Variants in PRPS2 observed in about 807,000 individuals in gnomAD.
PRPS2 encodes the protein ribose-phosphate pyrophosphokinase 2.
For synonymous variants in PRPS2, 111 were observed against 115.3 expected (o/e 0.96, Z 0.24); for missense variants, 104 against 271.5 (o/e 0.38, Z 4.34).
chrX:12,809,923 A>T (rs1319107668), intron 3 of PRPS2, 99 bp from the exon 4 acceptor site: 4 of 1,045,640 alleles, frequency 3.8e-6, no homozygotes, highest in Non-Finnish European at 5.0e-6. Flanking sequence ...TGAACAAAAA[A>T]TGCAAATGTT....
chrX:12,804,450 CA>C (rs976887419), intron 2 of PRPS2, among the ~76,000 whole-genome samples: 1 of 111,420 alleles, frequency 9.0e-6, no homozygotes, highest in Non-Finnish European at 1.9e-5. Context: ...CCCACCTTTG[CA>C]TTTTTTAAAT....
intron 3 of PRPS2, 112 bp from the exon 4 acceptor site, chrX:12,809,910 T>G: frequency 9.7e-7 from 1 of 1,029,170 alleles, no homozygotes; most frequent in Non-Finnish European, 1.3e-6. Flanking sequence ...TAAAAGCTTC[T>G]TTTGAACAAA....
At chrX:12,797,400 G>C (rs1367263823) in intron 1 of PRPS2, among the ~76,000 whole-genome samples, 2 of 110,395 alleles carry the variant, frequency 1.8e-5, no homozygotes, top group African/African-American at 6.6e-5. Context: ...GACAGAGATG[G>C]AACTTTCCAT....
chrX:12,820,608 G>A (rs779566601), intron 5 of PRPS2, 36 bp from the exon 6 acceptor site: 8 of 1,181,374 alleles, frequency 6.8e-6, no homozygotes, highest in Non-Finnish European at 9.1e-6. Flanking sequence ...AAGAATATTT[G>A]CATACCCTTA....
intron 1 of PRPS2, among the ~76,000 whole-genome samples, chrX:12,795,900 G>A (rs1419290206): frequency 8.9e-6 from 1 of 112,352 alleles, no homozygotes; most frequent in Admixed American, 9.4e-5. Flanking sequence ...ATAGGAGGGA[G>A]CACATAGAAC....
chrX:12,813,739 G>T (rs952417340), intron 4 of PRPS2, among the ~76,000 whole-genome samples: 1 of 111,479 alleles, frequency 9.0e-6, no homozygotes, highest in South Asian at 3.8e-4. Context: ...TGTTCTCTTG[G>T]CTGGGACGTT....
At chrX:12,796,967 C>T (rs1309975735) in intron 1 of PRPS2, among the ~76,000 whole-genome samples, 1 of 103,425 alleles carries the variant, frequency 9.7e-6, no homozygotes, top group East Asian at 3.1e-4. Context: ...TGACCATTTC[C>T]TTTGAGCATG....
chrX:12,804,199 T>A (rs2042582845), intron 2 of PRPS2, among the ~76,000 whole-genome samples: 1 of 109,543 alleles, frequency 9.1e-6, no homozygotes, highest in Admixed American at 1.0e-4. Context: ...TGGAGTACAG[T>A]GGCACAATCT....
At chrX:12,820,352 G>A (rs942777044) in intron 5 of PRPS2, among the ~76,000 whole-genome samples, 5 of 111,098 alleles carry the variant, frequency 4.5e-5, no homozygotes, top group Non-Finnish European at 9.4e-5. Context: ...GTGGGTTGTC[G>A]TTAGTGGGTA....
Position 12,819,503 on chromosome X carries a change from C to T in PRPS2, c.531-4C>T. 1 of 1,204,198 alleles carries T rather than the reference C, an allele frequency of 8.3e-7. No homozygotes were observed. The highest frequency in any genetic ancestry group is 1.1e-6 in the Non-Finnish European group (1 of 890,945). On this transcript the variant is annotated splice_polypyrimidine_tract_variant and splice_region_variant and intron_variant, in intron 4 of 6. Transcript: ENST00000380668. ...ATGAACATGTTCATTTGTGCCTTTG[C>T]CAGGGTTACATCAATTGCAGACAGG...
intron 2 of PRPS2, 62 bp downstream of exon 2, chrX:12,799,452 T>C: frequency 9.4e-7 from 1 of 1,063,619 alleles, no homozygotes. Context: ...TTTTTCCTCA[T>C]TTATCCCCTT....
intron 2 of PRPS2, among the ~76,000 whole-genome samples, chrX:12,800,878 A>G (rs768380669): frequency 1.8e-5 from 2 of 111,587 alleles, no homozygotes; most frequent in African/African-American, 3.3e-5. Context: ...TCTAATTAGA[A>G]GGGTCCACAT....
intron 2 of PRPS2, 50 bp downstream of exon 2, chrX:12,799,440 T>C: frequency 8.9e-7 from 1 of 1,121,784 alleles, no homozygotes; most frequent in Non-Finnish European, 1.2e-6. Context: ...CTGTCAATGT[T>C]GTTTTTCCTC....
chrX:12,791,454 ACCT>A lies in PRPS2; in HGVS notation c.-38_-36del. The A allele has an allele frequency of 8.5e-7, 1 of 1,178,152 alleles. No individual in the cohort carries two copies. ...CGTCGCTGTCGCTGTTGCCTCCGCC[ACCT>A]CCTCCGCCGCCGCGCGCCCCTCGGA... On this transcript the variant is annotated 5_prime_UTR_variant, in exon 1 of 7. Transcript: ENST00000380668.
At chrX:12,814,706 C>A (rs1002682962) in intron 4 of PRPS2, among the ~76,000 whole-genome samples, 2 of 111,864 alleles carry the variant, frequency 1.8e-5, no homozygotes, top group Non-Finnish European at 3.8e-5. Flanking sequence ...AACCTACCTA[C>A]CACTGCTGAG....
chrX:12,814,572 C>A (rs770285412), intron 4 of PRPS2, among the ~76,000 whole-genome samples: 1 of 112,160 alleles, frequency 8.9e-6, no homozygotes, highest in East Asian at 2.8e-4. Flanking sequence ...GAGCTTGTTG[C>A]TTTAGAAAAA....
chrX:12,795,017 G>A (rs2042536824), intron 1 of PRPS2, among the ~76,000 whole-genome samples: 1 of 111,387 alleles, frequency 9.0e-6, no homozygotes, highest in African/African-American at 3.3e-5. Context: ...AGGCTCTAGG[G>A]GAGAATCTGT....
chrX:12,816,889 A>G (rs532224381), intron 4 of PRPS2, among the ~76,000 whole-genome samples: 1 of 111,759 alleles, frequency 8.9e-6, no homozygotes, highest in African/African-American at 3.2e-5. Flanking sequence ...TGCTGAGTAT[A>G]GACTCCTAGC....
chrX:12,808,159 G>A (rs968236081), intron 2 of PRPS2, among the ~76,000 whole-genome samples: 8 of 110,907 alleles, frequency 7.2e-5, no homozygotes, highest in Non-Finnish European at 1.3e-4. Flanking sequence ...GAGCCACCGC[G>A]CCCCATATAT....
Sources: allele counts gnomAD v4.1 joint callset (sites outside exome capture counted in the v4.1 genomes callset), GRCh38; gene constraint gnomAD v4.1.1; transcripts MANE v1.5; gene names NCBI Gene and HGNC (gene_info 2026-07-23, HGNC 2026-07-21).